The following TPST2 variants were observed in gnomAD, a reference collection of about 807,000 sequenced individuals.
TPST2 encodes tyrosylprotein sulfotransferase 2.
A neutral mutation model predicts 27.8 loss-of-function variants in TPST2; 16 were observed. The observed-to-expected ratio is 0.58, with a 90% confidence interval of 0.39 to 0.88. The LOEUF is 0.88. TPST2 is among the 40% of genes least tolerant of loss of function. The pLI, the probability that TPST2 is intolerant of heterozygous loss-of-function variation, is 0.00. For synonymous variants in TPST2, 229 were observed against 231.7 expected (o/e 0.99, Z 0.10); for missense variants, 464 against 543.1 (o/e 0.85, Z 1.45).
chr22:26,545,739 C>T (rs551995176), intron 1 of TPST2, among the ~76,000 whole-genome samples: 2 of 152,288 alleles, frequency 1.3e-5, no homozygotes, highest in South Asian at 4.1e-4. Context: ...ATTCTGTAAA[C>T]AGGAGATTTT....
chr22:26,562,639 T>TC (rs1602288545), intron 1 of TPST2, among the ~76,000 whole-genome samples: 1 of 150,190 alleles, frequency 6.7e-6, no homozygotes, highest in Non-Finnish European at 1.5e-5. Context: ...CTTTTTTTTT[T>TC]TTGAGACTGA....
intron 1 of TPST2, among the ~76,000 whole-genome samples, chr22:26,563,893 G>A (rs2283832): frequency 0.24 from 35,882 of 152,100 alleles, 4,448 homozygotes; most frequent in South Asian, 0.36. Context: ...GACCCCAGGC[G>A]TTTCCATGCA....
intron 1 of TPST2, chr22:26,555,375 T>C (rs1284485886): frequency 9.7e-6 from 4 of 410,614 alleles, no homozygotes; most frequent in African/African-American, 4.1e-5. Flanking sequence ...GGGTCAGGAG[T>C]GTAGACCTAA....
chr22:26,583,294 G>A (rs1035339925), intron 1 of TPST2, among the ~76,000 whole-genome samples: 12 of 151,194 alleles, frequency 7.9e-5, no homozygotes, highest in African/African-American at 2.9e-4. Flanking sequence ...AAAATTAGCT[G>A]GGCATGGTAG....
rs1925863751 is a variant in TPST2, at chr22:26,541,858, C to T, written c.-88-140G>A. 7 of 834,580 alleles carry T rather than the reference C, an allele frequency of 8.4e-6. No individual in the cohort carries two copies. The highest frequency in any genetic ancestry group is 6.3e-5 in the East Asian group (2 of 31,712). 51.7% of individuals were successfully genotyped at this position (834,580 alleles called of 1,614,324 possible). On this transcript the variant is annotated intron_variant, in intron 2 of 6. Coordinates refer to ENST00000338754, the MANE Select transcript of TPST2 (RefSeq NM_003595.5). This position sits in a 1 kb window ranked among gnomAD's most constrained non-coding sequence, Gnocchi z 5.9. ...ACCTTTCATAAGCACTAGCTGTGTG[C>T]CTGGCACCCTGCTGGGCACTTTTTT...
At chr22:26,547,551 G>A (rs896093147) in intron 1 of TPST2, 8 of 152,144 alleles carry the variant, frequency 5.3e-5, no homozygotes, top group Admixed American at 5.2e-4. Flanking sequence ...AGCTAAGAAA[G>A]GCCCACGTGG....
rs1323034363 is a variant in TPST2, at chr22:26,523,431, A to C, written c.*2844T>G. On this transcript the variant is annotated 3_prime_UTR_variant, in exon 7 of 7. Coordinates refer to ENST00000338754, the MANE Select transcript of TPST2 (RefSeq NM_003595.5). ...CAATTCTGATTGTCCCATGTTTTAT[A>C]ATATATTCATGTAGTACTCTAAACA... The C allele has an allele frequency of 6.6e-6, 1 of 152,164 alleles. No individual in the cohort carries two copies. The highest frequency in any genetic ancestry group is 2.4e-5 in the African/African-American group (1 of 41,446). 9.4% of individuals were successfully genotyped at this position (152,164 alleles called of 1,614,324 possible). A position where few individuals can be genotyped will look rare whatever the true frequency, so the allele number is the denominator to read the frequency against.
At chr22:26,571,851 C>T (rs1405970450) in intron 1 of TPST2, among the ~76,000 whole-genome samples, 1 of 152,202 alleles carries the variant, frequency 6.6e-6, no homozygotes, top group Admixed American at 6.5e-5. Flanking sequence ...GTGCATTACA[C>T]TCAACACCCC....
chr22:26,569,328 A>T (rs1410826066), intron 1 of TPST2, among the ~76,000 whole-genome samples: 2 of 152,188 alleles, frequency 1.3e-5, no homozygotes, highest in Non-Finnish European at 2.9e-5. Flanking sequence ...GGGTAACTGC[A>T]GGGGGAGCAA....
At chr22:26,528,154 A>C (rs1418996327) in intron 6 of TPST2, 60 bp downstream of exon 6, 2 of 1,548,470 alleles carry the variant, frequency 1.3e-6, no homozygotes, top group East Asian at 4.9e-5. Context: ...GCTTTTCAGA[A>C]AAGTGGCTCC....
At chr22:26,563,580 C>T (rs1024333725) in intron 1 of TPST2, among the ~76,000 whole-genome samples, 1 of 152,136 alleles carries the variant, frequency 6.6e-6, no homozygotes, top group Non-Finnish European at 1.5e-5. Context: ...CCACCCGCCT[C>T]GGCCTCCTAA....
chr22:26,589,919 A>C (rs1928490417), intron 1 of TPST2, 134 bp downstream of exon 1: 1 of 151,936 alleles, frequency 6.6e-6, no homozygotes, highest in South Asian at 2.1e-4. Flanking sequence ...CCGGAGCCCG[A>C]GCAGTCGCGC....
intron 1 of TPST2, among the ~76,000 whole-genome samples, chr22:26,589,159 C>T (rs1200909933): frequency 6.6e-6 from 1 of 152,116 alleles, no homozygotes; most frequent in Non-Finnish European, 1.5e-5. Flanking sequence ...CCTAGGGTCA[C>T]GGGCAGGTGA....
chr22:26,546,131 G>A (rs1926111181), intron 1 of TPST2, among the ~76,000 whole-genome samples: 4 of 151,750 alleles, frequency 2.6e-5, no homozygotes, highest in Admixed American at 2.6e-4. Context: ...TGCCATGATG[G>A]CAATAAACCG....
chr22:26,529,379 C>T (rs770208541), intron 5 of TPST2, among the ~76,000 whole-genome samples: 43 of 152,306 alleles, frequency 2.8e-4, no homozygotes, highest in Non-Finnish European at 4.0e-4. Flanking sequence ...ATCTGCCTGC[C>T]TCAGCCTCCC....
chr22:26,565,995 G>T (rs1385493100), intron 1 of TPST2, among the ~76,000 whole-genome samples: 1 of 152,118 alleles, frequency 6.6e-6, no homozygotes, highest in Non-Finnish European at 1.5e-5. Flanking sequence ...TCCAAGAATG[G>T]GAATGAGTAT....
chr22:26,575,418 G>A (rs1421896053), intron 1 of TPST2, among the ~76,000 whole-genome samples: 1 of 151,984 alleles, frequency 6.6e-6, no homozygotes, highest in African/African-American at 2.4e-5. Flanking sequence ...ATTGCTAAGG[G>A]CCTCCTACTT....
At chr22:26,579,324 C>G (rs1002387283) in intron 1 of TPST2, among the ~76,000 whole-genome samples, 4 of 152,216 alleles carry the variant, frequency 2.6e-5, no homozygotes, top group Non-Finnish European at 4.4e-5. Context: ...GGAAGGGTAG[C>G]CGACACTCCC....
intron 1 of TPST2, among the ~76,000 whole-genome samples, chr22:26,571,046 CG>C (rs943267067): frequency 1.3e-5 from 2 of 152,318 alleles, no homozygotes; most frequent in African/African-American, 4.8e-5. Flanking sequence ...CTTAGGAAAA[CG>C]GAAGTCAGGC....
Sources: allele counts gnomAD v4.1 joint callset (sites outside exome capture counted in the v4.1 genomes callset), GRCh38; gene constraint gnomAD v4.1.1; non-coding constraint Gnocchi (gnomAD v3.1); transcripts MANE v1.5; gene names NCBI Gene and HGNC (gene_info 2026-07-23, HGNC 2026-07-21).